The following PCBP3 variants were observed in gnomAD, a reference collection of about 807,000 sequenced individuals.
PCBP3 encodes the protein poly(rC) binding protein 3, also known as poly(rC)-binding protein 3.
A neutral mutation model predicts 52.7 loss-of-function variants in PCBP3; 25 were observed. The observed-to-expected ratio is 0.47, with a 90% CI of 0.35 to 0.66. PCBP3 has a LOEUF of 0.66. PCBP3 is among the 30% of genes least tolerant of loss of function. PCBP3 has a pLI of 0.01. For missense variants in PCBP3, 391 were observed against 490.3 expected (o/e 0.80, Z 1.91); for synonymous variants, 162 against 183.0 (o/e 0.89, Z 0.93).
chr21:45,711,844 G>A (rs994988155), intron 2 of PCBP3, among the ~76,000 whole-genome samples: 1 of 152,166 alleles, frequency 6.6e-6, no homozygotes, highest in East Asian at 1.9e-4. Context: ...TATGGTTTTT[G>A]AGAACTGCTT....
At chr21:45,891,849 C>A (rs2095670837) in intron 5 of PCBP3, among the ~76,000 whole-genome samples, 1 of 152,220 alleles carries the variant, frequency 6.6e-6, no homozygotes. Context: ...TCCTGCACAG[C>A]CCCGGGGCCT....
At chr21:45,779,041 C>T (rs78003538) in intron 4 of PCBP3, among the ~76,000 whole-genome samples, 2,663 of 152,312 alleles carry the variant, frequency 0.017, 77 homozygotes, top group African/African-American at 0.061. Flanking sequence ...TGGTTCTTAT[C>T]CTCAGCTGTG....
intron 11 of PCBP3, among the ~76,000 whole-genome samples, chr21:45,913,560 G>A (rs533136604): frequency 5.1e-4 from 78 of 152,158 alleles, no homozygotes; most frequent in African/African-American, 1.8e-3. Context: ...CTGGGTTGGC[G>A]GCCAGCCCTT....
At chr21:45,765,706 A>G (rs2089248142) in intron 4 of PCBP3, among the ~76,000 whole-genome samples, 1 of 152,162 alleles carries the variant, frequency 6.6e-6, no homozygotes, top group South Asian at 2.1e-4. Flanking sequence ...GAGGCCCCTC[A>G]TGTCCAGACA....
At chr21:45,931,099 C>T (rs1199161614) in intron 15 of PCBP3, among the ~76,000 whole-genome samples, 2 of 152,206 alleles carry the variant, frequency 1.3e-5, no homozygotes, top group Non-Finnish European at 2.9e-5. Context: ...GAGGTCTCAC[C>T]ATGGTGTGCT....
At chr21:45,812,966 T>C (rs1433939265) in intron 4 of PCBP3, among the ~76,000 whole-genome samples, 3 of 152,234 alleles carry the variant, frequency 2.0e-5, no homozygotes, top group Non-Finnish European at 4.4e-5. Context: ...TGTCTCTGAT[T>C]TTCAGCAGTT....
chr21:45,790,949 G>A lies in PCBP3; in HGVS notation c.-126+35497G>A, dbSNP rs568085930. ...GGGGAAGGAAGCCAGTTTTGAGAGT[G>A]GAAGAAACAGTAGGTTGTTTCTGTG... On this transcript the variant is annotated intron_variant, in intron 4 of 17. Transcript: ENST00000681687. Among the ~76,000 whole-genome samples the A allele has an allele frequency of 9.0e-4, 137 of 152,272 alleles. 1 individual carries two copies. Among genetic ancestry groups the A allele is most frequent in the African/African-American group, 3.1e-3 (129 of 41,546 alleles).
At position 45,935,269 on chromosome 21, in the gene PCBP3, A is replaced by G; in HGVS notation, c.873A>G (p.Pro291=). 2 of 1,612,730 alleles carry G rather than the reference A, an allele frequency of 1.2e-6. No individual in the cohort carries two copies. The highest frequency in any genetic ancestry group is 1.7e-5 in the Admixed American group (1 of 59,998). ...TATACCCAGGTCTGGACGCCAGCCC[A>G]CCGGCCAGCACTCATGAGCTCACCA... ...MGQSSGLDAS[P]PASTHELTIP... The change falls in exon 16 of 18, where the codon CCA becomes CCG. Residue 291 remains proline, a synonymous_variant. Transcript: ENST00000681687.
chr21:45,843,889 G>A (rs2093750181), intron 4 of PCBP3, among the ~76,000 whole-genome samples: 1 of 152,126 alleles, frequency 6.6e-6, no homozygotes, highest in African/African-American at 2.4e-5. Context: ...GCACTATCAT[G>A]TTGTTTGTGC....
chr21:45,928,028 G>A lies in PCBP3; in HGVS notation c.718-1889G>A, dbSNP rs549598370. On this transcript the variant is annotated intron_variant, in intron 13 of 17. Coordinates refer to ENST00000681687, the MANE Select transcript of PCBP3 (RefSeq NM_001384156.1). The surrounding 1 kb of genome is among the most constrained non-coding windows in gnomAD (Gnocchi z 4.1). ...AGGAGTGTCTCACCCCGCCGTGGGC[G>A]ATCTTGCCTGCAGCTCTCCTACCCG... Among the ~76,000 whole-genome samples the A allele has an allele frequency of 1.2e-4, 18 of 152,336 alleles. No individual in the cohort carries two copies. The East Asian group carries it at 1.9e-3, about 16-fold the overall frequency.
rs2086483815 is a variant in PCBP3 at position 45,741,953 on chromosome 21, G to A, written c.-162+6524G>A. On this transcript the variant is annotated intron_variant, in intron 3 of 17. Coordinates refer to ENST00000681687, the MANE Select transcript of PCBP3 (RefSeq NM_001384156.1). The surrounding 1 kb of genome is among the most constrained non-coding windows in gnomAD (Gnocchi z 4.5). ...TTCCAGTCCAGACTGTCTGCCTCAG[G>A]CATTCAGTACACACTTTCGTGCCCT... Among the ~76,000 whole-genome samples, 1 of 152,182 alleles carries A rather than the reference G, an allele frequency of 6.6e-6. No homozygotes were observed. The highest frequency in any genetic ancestry group is 6.5e-5 in the Admixed American group (1 of 15,288).
chr21:45,895,038 C>T (rs978901080), intron 5 of PCBP3, among the ~76,000 whole-genome samples: 1 of 152,176 alleles, frequency 6.6e-6, no homozygotes, highest in Non-Finnish European at 1.5e-5. Context: ...ACAGCGTAAG[C>T]GCGGGTGTAG....
intron 4 of PCBP3, among the ~76,000 whole-genome samples, chr21:45,814,406 GGTGA>G (rs1310507612): frequency 1.3e-5 from 2 of 151,158 alleles, no homozygotes; most frequent in Admixed American, 6.6e-5. Flanking sequence ...AGTGGTAAGT[GGTGA>G]GTGAGTGGTG....
At chr21:45,721,743 C>T (rs977122536) in intron 2 of PCBP3, among the ~76,000 whole-genome samples, 1 of 152,204 alleles carries the variant, frequency 6.6e-6, no homozygotes, top group African/African-American at 2.4e-5. Context: ...TCGAATTTCA[C>T]AGAGGTCCAT....
chr21:45,723,926 G>T (rs1175644401), intron 2 of PCBP3, among the ~76,000 whole-genome samples: 1 of 152,002 alleles, frequency 6.6e-6, no homozygotes, highest in South Asian at 2.1e-4. Flanking sequence ...GTGATTACTG[G>T]TGGATTCTGT....
chr21:45,911,771 C>T (rs1391640652), intron 11 of PCBP3, among the ~76,000 whole-genome samples: 1 of 152,220 alleles, frequency 6.6e-6, no homozygotes, highest in Non-Finnish European at 1.5e-5. Flanking sequence ...ACTCCTCTCT[C>T]GTACTTGGCT....
chr21:45,761,729 C>A (rs1006251392), intron 4 of PCBP3: 2 of 152,456 alleles, frequency 1.3e-5, no homozygotes, highest in African/African-American at 2.4e-5. Context: ...GTAGGTGAGC[C>A]GCGGGATGCT....
chr21:45,779,650 G>T (rs1359745648), intron 4 of PCBP3, among the ~76,000 whole-genome samples: 2 of 152,148 alleles, frequency 1.3e-5, no homozygotes, highest in Non-Finnish European at 2.9e-5. Context: ...TTGGACAAGA[G>T]ATGTTCAACA....
intron 4 of PCBP3, among the ~76,000 whole-genome samples, chr21:45,819,438 C>T (rs1603443395): frequency 1.3e-5 from 2 of 152,342 alleles, no homozygotes; most frequent in Admixed American, 1.3e-4. Context: ...ATCCTCTTTA[C>T]AGACGGGATG....
Sources: allele counts gnomAD v4.1 joint callset (sites outside exome capture counted in the v4.1 genomes callset), GRCh38; gene constraint gnomAD v4.1.1; non-coding constraint Gnocchi (gnomAD v3.1); transcripts MANE v1.5; gene names NCBI Gene and HGNC (gene_info 2026-07-23, HGNC 2026-07-21).